Variants in TBC1D30 observed in about 807,000 individuals in gnomAD.
TBC1D30 encodes TBC1 domain family, member 30.
A neutral mutation model predicts 63.2 loss-of-function variants in TBC1D30; 31 were observed. That is an observed-to-expected ratio of 0.49 (90% CI 0.37 to 0.66). TBC1D30 has a LOEUF of 0.66. Ranked by LOEUF, TBC1D30 falls within the 30% of genes least tolerant of loss-of-function variation. The pLI is 0.00. For missense variants in TBC1D30, 810 were observed against 953.6 expected (o/e 0.85, Z 1.98); for synonymous variants, 307 against 361.5 (o/e 0.85, Z 1.71).
At chr12:64,852,387 T>C (rs1565678409) in intron 8 of TBC1D30, among the ~76,000 whole-genome samples, 6 of 152,154 alleles carry the variant, frequency 3.9e-5, no homozygotes, top group African/African-American at 2.4e-5. Flanking sequence ...CTGGTTATTC[T>C]AGTTAGCAAT....
At position 64,838,766 on chromosome 12, in the gene TBC1D30, G is replaced by A. The variant is rs780182757; in HGVS notation, c.847G>A (p.Val283Ile). The stretch of plus-strand genomic sequence containing the variant: ...TGCCACATGCCTCCCTAATCAGACC[G>A]TTTTAAAGATCTGGGATTCAGTCTT... ...LFATCLPNQT[V>I]LKIWDSVFFE... Residue 283 changes from valine (V) to isoleucine (I), a missense_variant, in exon 7 of 12, where the codon GTT becomes ATT. Val to Ile is a conservative substitution (Grantham distance 29). Around this residue, in one of 4 missense-constraint regions of TBC1D30, gnomAD observed 5 missense variants for 23.2 expected, o/e 0.22. Coordinates refer to ENST00000539867, the MANE Select transcript of TBC1D30 (RefSeq NM_015279.2). 7.2e-6 allele frequency: 11 copies of A among 1,536,396 alleles called. No homozygotes were observed. Among genetic ancestry groups the A allele is most frequent in the South Asian group, 3.6e-5 (3 of 84,058 alleles).
At chr12:64,810,242 T>G (rs547932820) in intron 2 of TBC1D30, among the ~76,000 whole-genome samples, 1 of 152,268 alleles carries the variant, frequency 6.6e-6, no homozygotes, top group Non-Finnish European at 1.5e-5. Context: ...TCATACGTGG[T>G]CTGTGTTGGG....
Position 64,875,354 on chromosome 12 carries a change from G to C in TBC1D30, c.1852G>C (p.Ala618Pro). 1 of 1,536,270 alleles carries C rather than the reference G, an allele frequency of 6.5e-7. No individual in the cohort carries two copies. The highest frequency in any genetic ancestry group is 8.7e-7 in the Non-Finnish European group (1 of 1,146,934). Residue 618 changes from alanine to proline, a missense_variant, in exon 12 of 12, where the codon GCT becomes CCT. Physicochemically the swap from Ala to Pro is conservative, Grantham distance 27. This residue lies in a region of TBC1D30 where 450 missense variants were observed against 473.0 expected (regional missense o/e 0.95). Transcript: ENST00000539867. Reference protein sequence around the residue: ...EAFPSGCTATAGREGSSPEGS... With the variant: ...EAFPSGCTATPGREGSSPEGS... ...ATTCCCCTCTGGTTGTACAGCGACAGCTGGGAGAGAAGGCAGCAGCCCTGA... is the reference window on the plus strand; with the variant it reads ...ATTCCCCTCTGGTTGTACAGCGACACCTGGGAGAGAAGGCAGCAGCCCTGA...
chr12:64,812,849 T>C lies in TBC1D30; in HGVS notation c.644-14986T>C, dbSNP rs1169202771. Among the ~76,000 whole-genome samples, 5 of 152,086 alleles carry C rather than the reference T, an allele frequency of 3.3e-5. No individual in the cohort carries two copies. The South Asian group carries it at 6.2e-4, about 19-fold the overall frequency. On this transcript the variant is annotated intron_variant, in intron 2 of 12. Transcript: ENST00000542120. ...TAATTTATGAAGAGCAGAAAAGGGTTGGCTTGTCTGCATCGTAGCTCATTC... is the reference window on the plus strand; with the variant it reads ...TAATTTATGAAGAGCAGAAAAGGGTCGGCTTGTCTGCATCGTAGCTCATTC...
rs1358995046 is a variant in TBC1D30, at chr12:64,880,257, G to A, written c.*4469G>A. 3 of 152,294 alleles carry A rather than the reference G, an allele frequency of 2.0e-5. No individual in the cohort carries two copies. Among genetic ancestry groups the A allele is most frequent in the African/African-American group, 4.8e-5 (2 of 41,452 alleles). The allele number at this position is 152,294 out of a possible 1,614,324, so 9.4% of individuals were successfully genotyped here. A position where few individuals can be genotyped will look rare whatever the true frequency, so the allele number is the denominator to read the frequency against. Reference sequence around the variant, plus strand: ...CCAGTGCTCACCTGAATGGGGACTGGTACTGTAGGTATTGGGTCAGCTTTC... The same window carrying A: ...CCAGTGCTCACCTGAATGGGGACTGATACTGTAGGTATTGGGTCAGCTTTC... On this transcript the variant is annotated 3_prime_UTR_variant, in exon 12 of 12. Coordinates refer to ENST00000539867, the MANE Select transcript of TBC1D30 (RefSeq NM_015279.2).
rs1289346188 is a variant in TBC1D30, at chr12:64,832,171, A to G, written c.461A>G (p.Asp154Gly). The change falls in exon 5 of 12, where the codon GAC becomes GGC. Residue 154 changes from aspartate to glycine, a missense_variant. This residue lies in a region of TBC1D30 where 272 missense variants were observed against 335.9 expected (regional missense o/e 0.81). Coordinates refer to ENST00000539867, the MANE Select transcript of TBC1D30 (RefSeq NM_015279.2). Reference protein sequence around the residue: ...SSYCGQEAEQDRVVLKRVLLA... With the variant: ...SSYCGQEAEQGRVVLKRVLLA... ...TACTGTGGCCAGGAGGCTGAGCAGG[A>G]CAGGGTTGTGTTGAAGCGGGTGCTG... 6.5e-7 allele frequency: 1 copy of G among 1,536,160 alleles called. No homozygotes were observed. The highest frequency in any genetic ancestry group is 8.7e-7 in the Non-Finnish European group (1 of 1,146,916).
At chr12:64,846,962 G>A (rs1876437071) in intron 8 of TBC1D30, among the ~76,000 whole-genome samples, 2 of 150,908 alleles carry the variant, frequency 1.3e-5, no homozygotes, top group Non-Finnish European at 3.0e-5. Context: ...TATTATAAAT[G>A]GGATTTTAAA....
rs903535071 is a variant in TBC1D30, at chr12:64,812,246, C to T, written c.644-15589C>T. 3.3e-5 allele frequency among the ~76,000 whole-genome samples: 5 copies of T among 152,194 alleles called. No homozygotes were observed. The East Asian group carries it at 9.7e-4, about 29-fold the overall frequency. On this transcript the variant is annotated intron_variant, in intron 2 of 12. Coordinates refer to the TBC1D30 transcript ENST00000542120. ...CCCTATTGATATATGCATACACTCC[C>T]CTTTTACTTCTTGTTTCTTGGGTAA... is the stretch of plus-strand genomic sequence containing the variant.
chr12:64,805,309 C>A (rs1872798779), intron 2 of TBC1D30, among the ~76,000 whole-genome samples: 1 of 152,148 alleles, frequency 6.6e-6, no homozygotes, highest in African/African-American at 2.4e-5. Flanking sequence ...CTTTATGGCG[C>A]TAAACAGTCT....
intron 7 of TBC1D30, 129 bp downstream of exon 7, chr12:64,838,980 C>G: frequency 2.2e-6 from 2 of 901,146 alleles, no homozygotes; most frequent in Non-Finnish European, 3.3e-6. Context: ...GCTTTAGCCT[C>G]CTGAAATCTC....
Position 64,864,753 on chromosome 12 carries a change from C to A in TBC1D30, c.1124C>A (p.Ala375Asp), listed in dbSNP as rs1438981366. ...ACCTACAACATTACACCGTTCCCAG[C>A]CACAGTTAAACCCACCTCAGTTTCT... Reference protein sequence around the residue: ...KYTYNITPFPATVKPTSVSGR... With the variant: ...KYTYNITPFPDTVKPTSVSGR... Residue 375 changes from alanine to aspartate, a missense_variant, in exon 9 of 12, where the codon GCC becomes GAC. Ala to Asp is a moderately radical substitution (Grantham distance 126). Coordinates refer to ENST00000539867, the MANE Select transcript of TBC1D30 (RefSeq NM_015279.2). 6.5e-7 allele frequency: 1 copy of A among 1,536,044 alleles called. No homozygotes were observed. The highest frequency in any genetic ancestry group is 1.7e-4 in the Middle Eastern group (1 of 5,990).
rs749059938 is a variant in TBC1D30 at position 64,866,849 on chromosome 12, C to A, written c.1237C>A (p.Pro413Thr). The A allele has an allele frequency of 6.5e-7, 1 of 1,536,218 alleles. No homozygotes were observed. Among genetic ancestry groups the A allele is most frequent in the South Asian group, 1.2e-5 (1 of 84,038 alleles). Residue 413 changes from proline to threonine, a missense_variant, in exon 10 of 12, where the codon CCT becomes ACT. By Grantham distance (38) the Pro-to-Thr change is conservative (BLOSUM62 -1). Coordinates refer to ENST00000539867, the MANE Select transcript of TBC1D30 (RefSeq NM_015279.2). ...CGTTAATGCAGTGGGGTGTCTTGGA[C>A]CTTTTAGTGGGTTCCTGGCTCCTGA... ...AVVNAVGCLG[P>T]FSGFLAPELQ...
At chr12:64,824,059 C>T (rs1318881673), upstream of TBC1D30, among the ~76,000 whole-genome samples, 2 of 135,250 alleles carry the variant, frequency 1.5e-5, no homozygotes, top group African/African-American at 2.9e-5. Context: ...TGAATATTGC[C>T]GTTTGAGAAT....
intron 5 of TBC1D30, among the ~76,000 whole-genome samples, chr12:64,835,432 G>C (rs1028181412): frequency 1.3e-5 from 2 of 152,136 alleles, no homozygotes; most frequent in Non-Finnish European, 2.9e-5. Flanking sequence ...TATCCTGAGT[G>C]TCAAAATGTG....
intron 1 of TBC1D30, among the ~76,000 whole-genome samples, chr12:64,827,531 T>C (rs548198603): frequency 2.0e-5 from 3 of 152,342 alleles, no homozygotes; most frequent in African/African-American, 4.8e-5. Flanking sequence ...CCAAGTCGAA[T>C]GGAGGACTGT....
intron 5 of TBC1D30, 76 bp downstream of exon 5, chr12:64,832,380 T>C (rs988227211): frequency 8.6e-6 from 12 of 1,390,330 alleles, no homozygotes; most frequent in African/African-American, 2.9e-5. Flanking sequence ...TTCTCTTCCT[T>C]GATGTCTCAT....
At position 64,876,045 on chromosome 12, in the gene TBC1D30, A is replaced by G; in HGVS notation, c.*257A>G. 1 of 417,570 alleles carries G rather than the reference A, an allele frequency of 2.4e-6. No individual in the cohort carries two copies. Among genetic ancestry groups the G allele is most frequent in the Non-Finnish European group, 4.2e-6 (1 of 237,222 alleles). 25.9% of individuals were successfully genotyped at this position (417,570 alleles called of 1,614,324 possible). A position where few individuals can be genotyped will look rare whatever the true frequency, so the allele number is the denominator to read the frequency against. On this transcript the variant is annotated 3_prime_UTR_variant, in exon 12 of 12. Coordinates refer to ENST00000539867, the MANE Select transcript of TBC1D30 (RefSeq NM_015279.2). ...TGGTTTTATAGTGTGAAGTTTTCCC[A>G]ATTTTTCATTGTGAGCTGTTTAAAA...
intron 1 of TBC1D30, chr12:64,825,432 G>A (rs1249806175): frequency 1.1e-5 from 2 of 185,662 alleles, no homozygotes; most frequent in Non-Finnish European, 2.2e-5. Context: ...GCGGAGAGTG[G>A]CACAGGTTTG....
In TBC1D30 at chr12:64,877,190, C is replaced by A. The variant is rs903881811; in HGVS notation, c.*1402C>A. 4.4e-6 allele frequency: 1 copy of A among 227,310 alleles called. No homozygotes were observed. The highest frequency in any genetic ancestry group is 5.0e-5 in the Admixed American group (1 of 20,126). 14.1% of individuals were successfully genotyped at this position (227,310 alleles called of 1,614,324 possible). On this transcript the variant is annotated 3_prime_UTR_variant, in exon 12 of 12. Coordinates refer to ENST00000539867, the MANE Select transcript of TBC1D30 (RefSeq NM_015279.2). ...GTTTATTTTAAAAATGCTTCATGCA[C>A]CTGTTATTTGGCTGAACAGAAGGCT...
Sources: allele counts gnomAD v4.1 joint callset (sites outside exome capture counted in the v4.1 genomes callset), GRCh38; gene constraint gnomAD v4.1.1; regional missense constraint gnomAD v4.1.1; transcripts MANE v1.5; gene names NCBI Gene and HGNC (gene_info 2026-07-23, HGNC 2026-07-21).